CLYBL: variants seen among roughly 807,000 people sequenced by gnomAD.
The protein encoded by CLYBL is citramalyl-CoA lyase, mitochondrial.
In CLYBL, 31 loss-of-function variants were observed where a neutral mutation model predicts 38.9. That is an observed-to-expected ratio of 0.80 (90% CI 0.60 to 1.08). The LOEUF is 1.08. Among genes scored for constraint, CLYBL ranks in the 50% least tolerant of loss-of-function variants. The pLI is 0.00. For missense variants in CLYBL, 434 were observed against 411.6 expected, an observed-to-expected ratio of 1.05 and a Z score of -0.47; for synonymous variants, 171 against 158.6, an observed-to-expected ratio of 1.08 and a Z score of -0.59.
intron 1 of CLYBL, among the ~76,000 whole-genome samples, chr13:99,619,311 G>A (rs531116382): frequency 9.2e-5 from 14 of 152,282 alleles, no homozygotes; most frequent in African/African-American, 3.4e-4. Context: ...GCAATAAGGC[G>A]CCATATTGGA....
At chr13:99,678,484 C>G (rs902301830) in intron 1 of CLYBL, among the ~76,000 whole-genome samples, 1 of 152,150 alleles carries the variant, frequency 6.6e-6, no homozygotes, top group South Asian at 2.1e-4. Context: ...TGAAGAAGCT[C>G]CCTTTAGAAA....
chr13:99,896,226 A>C (rs7986754), downstream of CLYBL: 3 of 151,914 alleles, frequency 2.0e-5, no homozygotes, highest in Non-Finnish European at 2.9e-5. Flanking sequence ...TAATGGTGGC[A>C]GATCAAAGGC....
intron 1 of CLYBL, among the ~76,000 whole-genome samples, chr13:99,665,589 A>T (rs907038153): frequency 6.9e-6 from 1 of 145,610 alleles, no homozygotes; most frequent in Admixed American, 6.9e-5. Flanking sequence ...CCCAAAGGTT[A>T]AAAAAAAAAA....
Position 99,651,892 on chromosome 13 carries a change from A to G in CLYBL, c.62+45135A>G, listed in dbSNP as rs538849138. 5.1e-4 allele frequency among the ~76,000 whole-genome samples: 78 copies of G among 152,102 alleles called. 1 individual carries two copies. The highest frequency in any genetic ancestry group is 3.4e-3 in the Middle Eastern group (1 of 294). The stretch of plus-strand genomic sequence containing the variant: ...GGTTGCAGTGAGCCGAGATCATGCC[A>G]TTGCACTCCAGCCTGGGCGACAAAG... On this transcript the variant is annotated intron_variant, in intron 1 of 8. Transcript: ENST00000339105.
chr13:99,817,918 C>T (rs908785191), intron 2 of CLYBL, among the ~76,000 whole-genome samples: 18 of 151,890 alleles, frequency 1.2e-4, no homozygotes, highest in Non-Finnish European at 2.4e-4. Context: ...GCAGGAGGAT[C>T]GCTTGAGCCT....
intron 1 of CLYBL, among the ~76,000 whole-genome samples, chr13:99,625,788 G>T (rs898534383): frequency 6.6e-6 from 1 of 152,178 alleles, no homozygotes; most frequent in African/African-American, 2.4e-5. Context: ...TGACAAGAAC[G>T]GGAGTCATGC....
chr13:99,758,186 A>G (rs146280350), intron 1 of CLYBL, among the ~76,000 whole-genome samples: 43 of 152,290 alleles, frequency 2.8e-4, no homozygotes, highest in African/African-American at 1.0e-3. Flanking sequence ...GGTGACTATT[A>G]TATTGAATCC....
intron 2 of CLYBL, among the ~76,000 whole-genome samples, chr13:99,785,313 A>G (rs1469524604): frequency 2.2e-5 from 3 of 135,862 alleles, no homozygotes; most frequent in African/African-American, 8.5e-5. Context: ...GGCTTAAATA[A>G]TCCTCCCACT....
chr13:99,854,161 A>G (rs144446646), intron 2 of CLYBL, among the ~76,000 whole-genome samples: 291 of 152,272 alleles, frequency 1.9e-3, no homozygotes, highest in Non-Finnish European at 3.5e-3. Flanking sequence ...TGGGTCGCAC[A>G]TAGCTTTCTC....
chr13:99,827,569 G>A (rs984234595), intron 2 of CLYBL, among the ~76,000 whole-genome samples: 1 of 152,162 alleles, frequency 6.6e-6, no homozygotes, highest in African/African-American at 2.4e-5. Flanking sequence ...AATCAGCCCA[G>A]GGGCTACTCA....
At chr13:99,756,544 G>C (rs1254602757) in intron 1 of CLYBL, among the ~76,000 whole-genome samples, 1 of 152,224 alleles carries the variant, frequency 6.6e-6, no homozygotes, top group Non-Finnish European at 1.5e-5. Context: ...GCCCAGGACA[G>C]CTTTGAATGT....
chr13:99,822,982 C>G (rs1489593219), intron 2 of CLYBL, among the ~76,000 whole-genome samples: 1 of 152,154 alleles, frequency 6.6e-6, no homozygotes, highest in Non-Finnish European at 1.5e-5. Context: ...CTCCCATTTC[C>G]TCATCCTTCC....
chr13:99,816,470 A>C (rs1213811533), intron 2 of CLYBL, among the ~76,000 whole-genome samples: 2 of 152,270 alleles, frequency 1.3e-5, no homozygotes, highest in Admixed American at 1.3e-4. Flanking sequence ...AGAATGAGGC[A>C]GTAGCCTCGT....
intron 1 of CLYBL, among the ~76,000 whole-genome samples, chr13:99,722,798 T>C (rs1854552059): frequency 6.6e-6 from 1 of 152,250 alleles, no homozygotes; most frequent in South Asian, 2.1e-4. Context: ...TGCTTTGCAC[T>C]GCTTGATATA....
At chr13:99,637,370 C>A (rs2047033159) in intron 1 of CLYBL, among the ~76,000 whole-genome samples, 1 of 152,200 alleles carries the variant, frequency 6.6e-6, no homozygotes, top group Non-Finnish European at 1.5e-5. Context: ...CTGCCCTAAG[C>A]CATTTCTGTC....
At chr13:99,859,576 A>G (rs562999230) in intron 3 of CLYBL, among the ~76,000 whole-genome samples, 3 of 152,360 alleles carry the variant, frequency 2.0e-5, no homozygotes, top group Admixed American at 2.0e-4. Context: ...AGTGGTTTCA[A>G]TTAGCACTGA....
intron 1 of CLYBL, among the ~76,000 whole-genome samples, chr13:99,615,451 A>G (rs1387343233): frequency 6.6e-6 from 1 of 152,246 alleles, no homozygotes; most frequent in Non-Finnish European, 1.5e-5. Context: ...AAAGTTGTTA[A>G]TTATAAAAAC....
intron 2 of CLYBL, among the ~76,000 whole-genome samples, chr13:99,794,587 A>ATTATTATTATTG (rs2049985202): frequency 6.7e-6 from 1 of 148,450 alleles, no homozygotes. Context: ...TTCATTTATT[A>ATTATTATTATTG]TTATTATTAT....
At chr13:99,638,434 G>A (rs959745662) in intron 1 of CLYBL, among the ~76,000 whole-genome samples, 1 of 152,168 alleles carries the variant, frequency 6.6e-6, no homozygotes, top group Admixed American at 6.5e-5. Flanking sequence ...CACAATATAT[G>A]TGTGCCTTAT....
Sources: gnomAD v4.1 joint callset for allele counts (sites outside exome capture counted in the v4.1 genomes callset) on GRCh38, gnomAD v4.1.1 for gene constraint, MANE v1.5 for transcripts, NCBI Gene and HGNC (gene_info 2026-07-23, HGNC 2026-07-21) for gene names.